The following PDE3A variants were observed in gnomAD, a reference collection of about 807,000 sequenced individuals.
PDE3A encodes cGMP-inhibited 3',5'-cyclic phosphodiesterase 3A.
In PDE3A, 43 loss-of-function variants were observed where a neutral mutation model predicts 98.3. The observed-to-expected ratio is 0.44, with a 90% CI of 0.34 to 0.56. The LOEUF (loss-of-function observed/expected upper bound fraction) is 0.56. Ranked by LOEUF, PDE3A falls within the 20% of genes least tolerant of loss-of-function variation. The pLI is 0.01. For synonymous variants in PDE3A, 663 were observed against 567.9 expected (o/e 1.17, Z -2.38); for missense variants, 1,427 against 1,440.7 (o/e 0.99, Z 0.15).
At chr12:20,443,003 A>T (rs772380361) in intron 1 of PDE3A, among the ~76,000 whole-genome samples, 1 of 152,070 alleles carries the variant, frequency 6.6e-6, no homozygotes. Flanking sequence ...TTCATAAATA[A>T]TTTATCAGTT....
chr12:20,636,331 C>A (rs548798757), intron 8 of PDE3A, among the ~76,000 whole-genome samples: 81 of 152,262 alleles, frequency 5.3e-4, no homozygotes, highest in African/African-American at 1.9e-3. Flanking sequence ...CTGCTATTAT[C>A]ATTTTTCTTT....
chr12:20,669,099 G>A (rs1471826492), intron 15 of PDE3A, among the ~76,000 whole-genome samples: 1 of 152,092 alleles, frequency 6.6e-6, no homozygotes, highest in East Asian at 1.9e-4. Context: ...AACGGTATCA[G>A]CGATGGAAGA....
intron 1 of PDE3A, among the ~76,000 whole-genome samples, chr12:20,486,142 C>G (rs113307983): frequency 0.039 from 6,002 of 152,228 alleles, 165 homozygotes; most frequent in South Asian, 0.061. Context: ...TGTTTTCACA[C>G]TGCTATAAAG....
At chr12:20,585,183 GA>G (rs926529058) in intron 2 of PDE3A, among the ~76,000 whole-genome samples, 5 of 152,122 alleles carry the variant, frequency 3.3e-5, no homozygotes, top group Non-Finnish European at 7.4e-5. Context: ...GGTGTTTTTG[GA>G]AAACTTGCTT....
intron 15 of PDE3A, among the ~76,000 whole-genome samples, chr12:20,662,156 G>A (rs1263068877): frequency 3.3e-5 from 5 of 152,066 alleles, no homozygotes; most frequent in South Asian, 4.2e-4. Context: ...TAAATTGCCC[G>A]GTCTTGGGTA....
At chr12:20,664,330 G>T (rs539546727) in intron 15 of PDE3A, among the ~76,000 whole-genome samples, 1 of 152,084 alleles carries the variant, frequency 6.6e-6, no homozygotes, top group Non-Finnish European at 1.5e-5. Flanking sequence ...GTCTAAAATC[G>T]TCACTTAGAT....
At position 20,654,060 on chromosome 12, in the gene PDE3A, C is replaced by T. The variant is rs772366776; in HGVS notation, c.3039C>T (p.Cys1013=). The change falls in exon 15 of 16, where the codon TGC becomes TGT. Residue 1013 remains cysteine, a synonymous_variant. Coordinates refer to ENST00000359062, the MANE Select transcript of PDE3A (RefSeq NM_000921.5). ...TCTCTCACATTGTGGGGCCTCTGTG[C>T]AACTCCTATGATTCAGCAGGACTAA... ...SFISHIVGPL[C]NSYDSAGLMP... 1.2e-6 allele frequency: 2 copies of T among 1,613,986 alleles called. No homozygotes were observed. Among genetic ancestry groups the T allele is most frequent in the Non-Finnish European group, 1.7e-6 (2 of 1,180,022 alleles).
rs562531377 is a variant in PDE3A, at chr12:20,416,819, C to T, written c.960+46575C>T. Reference sequence around the variant, plus strand: ...CCTCACACATACATGGACTATACTACTTGGTCACTTTTAATTTAGAAGGAA... The same window carrying T: ...CCTCACACATACATGGACTATACTATTTGGTCACTTTTAATTTAGAAGGAA... On this transcript the variant is annotated intron_variant, in intron 1 of 15. Coordinates refer to ENST00000359062, the MANE Select transcript of PDE3A (RefSeq NM_000921.5). 2.0e-5 allele frequency among the ~76,000 whole-genome samples: 3 copies of T among 152,248 alleles called. No individual in the cohort carries two copies. In the South Asian group the frequency reaches 6.2e-4, roughly 32 times the overall value.
intron 1 of PDE3A, among the ~76,000 whole-genome samples, chr12:20,389,942 G>GA (rs201633212): frequency 0.031 from 4,547 of 147,396 alleles, 77 homozygotes; most frequent in East Asian, 0.042. Flanking sequence ...ATCTAAAATA[G>GA]AAAAAAAAAA....
intron 1 of PDE3A, among the ~76,000 whole-genome samples, chr12:20,422,696 G>A (rs879289410): frequency 2.0e-5 from 3 of 152,298 alleles, no homozygotes; most frequent in South Asian, 4.1e-4. Context: ...AGTGTATCAT[G>A]TCCCCATTCT....
chr12:20,622,262 T>G (rs2121483868), intron 5 of PDE3A, among the ~76,000 whole-genome samples: 1 of 152,236 alleles, frequency 6.6e-6, no homozygotes, highest in East Asian at 1.9e-4. Flanking sequence ...CTCTGCTGGC[T>G]TGCCTCCCAA....
At chr12:20,551,995 G>A (rs1459592213) in intron 1 of PDE3A, 20 of 1,612,600 alleles carry the variant, frequency 1.2e-5, no homozygotes, top group Middle Eastern at 2.1e-4. Context: ...GAGCAACGAC[G>A]GAGCGTACTC....
intron 15 of PDE3A, among the ~76,000 whole-genome samples, chr12:20,663,423 A>G (rs901193080): frequency 1.3e-5 from 2 of 152,096 alleles, no homozygotes; most frequent in African/African-American, 2.4e-5. Context: ...CAGGCAGTCA[A>G]TGCCAGCCTG....
intron 3 of PDE3A, among the ~76,000 whole-genome samples, chr12:20,615,174 A>T (rs1385160485): frequency 6.6e-6 from 1 of 151,726 alleles, no homozygotes; most frequent in Non-Finnish European, 1.5e-5. Flanking sequence ...AAAGTGTTGG[A>T]ATTACAGGCG....
intron 1 of PDE3A, among the ~76,000 whole-genome samples, chr12:20,517,116 T>C (rs1330376809): frequency 6.6e-6 from 1 of 152,248 alleles, no homozygotes; most frequent in African/African-American, 2.4e-5. Flanking sequence ...TTCTATTTCA[T>C]ACTTTCCAAT....
chr12:20,468,604 A>G (rs1341871302), intron 1 of PDE3A, among the ~76,000 whole-genome samples: 2 of 152,146 alleles, frequency 1.3e-5, no homozygotes, highest in African/African-American at 4.8e-5. Context: ...TTCCCCTTCT[A>G]TACACAGCTT....
At chr12:20,496,384 T>C (rs533823485) in intron 1 of PDE3A, among the ~76,000 whole-genome samples, 1 of 152,160 alleles carries the variant, frequency 6.6e-6, no homozygotes, top group Non-Finnish European at 1.5e-5. Context: ...ATTATGCTCC[T>C]TAGAACTTGT....
chr12:20,477,839 C>G (rs1945556199), intron 1 of PDE3A, among the ~76,000 whole-genome samples: 1 of 152,132 alleles, frequency 6.6e-6, no homozygotes, highest in African/African-American at 2.4e-5. Context: ...CCATGCCTTT[C>G]TTTAGAACAA....
chr12:20,604,559 G>C (rs950064302), intron 2 of PDE3A, among the ~76,000 whole-genome samples: 2 of 152,062 alleles, frequency 1.3e-5, no homozygotes, highest in African/African-American at 4.8e-5. Context: ...TTAATGAATA[G>C]CTTTAACACC....
Sources: gnomAD v4.1 joint callset for allele counts (sites outside exome capture counted in the v4.1 genomes callset) on GRCh38, gnomAD v4.1.1 for gene constraint, MANE v1.5 for transcripts, NCBI Gene and HGNC (gene_info 2026-07-23, HGNC 2026-07-21) for gene names.